FBXO5: variants seen among roughly 807,000 people sequenced by gnomAD.
FBXO5 encodes the protein F-box protein 5, also known as F-box only protein 5.
In FBXO5, 8 loss-of-function variants were observed where a neutral mutation model predicts 43.3. The observed-to-expected ratio is 0.18, with a 90% CI of 0.11 to 0.33. FBXO5 has a LOEUF of 0.33. FBXO5 is among the 10% of genes least tolerant of loss of function. FBXO5 has a pLI of 1.00. For missense variants in FBXO5, 491 were observed against 535.7 expected, an observed-to-expected ratio of 0.92 and a Z score of 0.82; for synonymous variants, 204 against 193.7, an observed-to-expected ratio of 1.05 and a Z score of -0.44.
chr6:152,978,990 TA>T (rs1167871104), intron 1 of FBXO5, among the ~76,000 whole-genome samples: 1 of 147,594 alleles, frequency 6.8e-6, no homozygotes, highest in Non-Finnish European at 1.5e-5. Context: ...AACCCTGTCT[TA>T]AAAAAAAAGA....
rs890887060 is a variant in FBXO5, at chr6:152,973,279, C to G, written c.819-143G>C. On this transcript the variant is annotated intron_variant, in intron 2 of 4. Coordinates refer to ENST00000229758, the MANE Select transcript of FBXO5 (RefSeq NM_012177.5). Reference sequence around the variant, plus strand: ...ACCTGACCACATTACAATTGCCTGGCGGTTTTAACTGGTCTAAAATGAAGC... The same window carrying G: ...ACCTGACCACATTACAATTGCCTGGGGGTTTTAACTGGTCTAAAATGAAGC... The G allele has an allele frequency of 2.4e-5, 15 of 636,886 alleles. No homozygotes were observed. In the South Asian group the frequency reaches 3.1e-4, roughly 13 times the overall value. The allele number at this position is 636,886 out of a possible 1,614,324, so 39.5% of individuals were successfully genotyped here. A position where few individuals can be genotyped will look rare whatever the true frequency, so the allele number is the denominator to read the frequency against.
In FBXO5 at chr6:152,975,250, G is replaced by A; in HGVS notation, c.475C>T (p.His159Tyr). 1 of 1,614,068 alleles carries A rather than the reference G, an allele frequency of 6.2e-7. No individual in the cohort carries two copies. Among genetic ancestry groups the A allele is most frequent in the Non-Finnish European group, 8.5e-7 (1 of 1,180,004 alleles). ...SFSLQSGLSEHEEGSLLEENF... is the reference protein window; with the variant it reads ...SFSLQSGLSEYEEGSLLEENF... ...TCCTCCAGGAGGCTACCTTCTTCAT[G>A]TTCACTGAGGCCACTTTGTAGAGAA... Residue 159 changes from histidine to tyrosine, a missense_variant, in exon 2 of 5, where the codon CAT (histidine) becomes TAT (tyrosine). Physicochemically the swap from His to Tyr is moderately conservative, Grantham distance 83. Coordinates refer to ENST00000229758, the MANE Select transcript of FBXO5 (RefSeq NM_012177.5).
chr6:152,972,828 C>T, intron 3 of FBXO5: 1 of 440,922 alleles, frequency 2.3e-6, no homozygotes, highest in East Asian at 3.3e-5. Flanking sequence ...GTAATTTTCC[C>T]TTTGTTACTT....
At chr6:152,972,479 G>T in intron 3 of FBXO5, 25 bp from the exon 4 acceptor site, 1 of 1,494,170 alleles carries the variant, frequency 6.7e-7, no homozygotes, top group South Asian at 1.3e-5. Context: ...AGTTTTAATA[G>T]AATTTAGAAA....
chr6:152,974,139 G>A (rs1384015823), intron 2 of FBXO5, among the ~76,000 whole-genome samples: 1 of 151,990 alleles, frequency 6.6e-6, no homozygotes, highest in Non-Finnish European at 1.5e-5. Flanking sequence ...CTGGGAGGTG[G>A]AGGTTGCAGT....
intron 3 of FBXO5, 61 bp from the exon 4 acceptor site, chr6:152,972,515 A>G: frequency 2.5e-6 from 3 of 1,176,666 alleles, no homozygotes; most frequent in Non-Finnish European, 1.2e-6. Flanking sequence ...TCAATGAGAC[A>G]TTTTTATGTT....
Position 152,972,585 on chromosome 6 carries a change from A to G in FBXO5, c.910-131T>C, listed in dbSNP as rs988016325. 4 of 652,138 alleles carry G rather than the reference A, an allele frequency of 6.1e-6. No individual in the cohort carries two copies. In the African/African-American group the frequency reaches 7.3e-5, roughly 12 times the overall value. The allele number at this position is 652,138 out of a possible 1,614,324, so 40.4% of individuals were successfully genotyped here. On this transcript the variant is annotated intron_variant, in intron 3 of 4. Transcript: ENST00000229758. ...AGAGACTTATCCCTACATGCAATTT[A>G]CCTGCACGTACTTAAACAAAGCAAA...
At chr6:152,978,356 A>C (rs4870157) in intron 1 of FBXO5, among the ~76,000 whole-genome samples, 68,316 of 93,430 alleles carry the variant, frequency 0.73, 25,505 homozygotes, top group African/African-American at 0.94. Context: ...TAATCCATTA[A>C]TCATGGAGAG....
chr6:152,982,717 G>A, intron 1 of FBXO5, 140 bp downstream of exon 1: 1 of 538,408 alleles, frequency 1.9e-6, no homozygotes, highest in Non-Finnish European at 3.0e-6. Flanking sequence ...AGGAACCGCT[G>A]CCGCCGCCCG....
chr6:152,970,989 TAA>T lies in FBXO5; in HGVS notation c.*172_*173del. Reference sequence around the variant, plus strand: ...TTTTAAACTTTTTCTCATTAAATTGTAAAAATATTTTAAGAGGTTGTCTATCC... The same window carrying T: ...TTTTAAACTTTTTCTCATTAAATTGTAAATATTTTAAGAGGTTGTCTATCC... On this transcript the variant is annotated 3_prime_UTR_variant, in exon 5 of 5. Transcript: ENST00000229758. 1 of 482,908 alleles carries T rather than the reference TAA, an allele frequency of 2.1e-6. No individual in the cohort carries two copies. The highest frequency in any genetic ancestry group is 3.3e-5 in the East Asian group (1 of 29,932). 29.9% of individuals were successfully genotyped at this position (482,908 alleles called of 1,614,324 possible). A position where few individuals can be genotyped will look rare whatever the true frequency, so the allele number is the denominator to read the frequency against.
intron 2 of FBXO5, among the ~76,000 whole-genome samples, chr6:152,974,280 C>T (rs144072929): frequency 6.2e-4 from 94 of 151,962 alleles, no homozygotes; most frequent in African/African-American, 2.2e-3. Context: ...TAGGAGAGCC[C>T]TAGCACCAAA....
chr6:152,981,326 CAAATATCAT>C (rs1177452392), intron 1 of FBXO5, among the ~76,000 whole-genome samples: 1 of 152,176 alleles, frequency 6.6e-6, no homozygotes, highest in Non-Finnish European at 1.5e-5. Context: ...TCCTCCATAT[CAAATATCAT>C]AAATAAGGCT....
At chr6:152,977,332 C>T (rs1778184481) in intron 1 of FBXO5, among the ~76,000 whole-genome samples, 1 of 152,160 alleles carries the variant, frequency 6.6e-6, no homozygotes, top group African/African-American at 2.4e-5. Context: ...GTTTAGTCTG[C>T]ACTAAATATT....
At chr6:152,976,580 A>C (rs1194933094) in intron 1 of FBXO5, among the ~76,000 whole-genome samples, 1 of 152,242 alleles carries the variant, frequency 6.6e-6, no homozygotes, top group Non-Finnish European at 1.5e-5. Flanking sequence ...GGTAAATAAG[A>C]ATGACACTCT....
At chr6:152,975,790 CAAT>C (rs1185172727) in intron 1 of FBXO5, among the ~76,000 whole-genome samples, 169 bp from the exon 2 acceptor site, 8 of 152,128 alleles carry the variant, frequency 5.3e-5, no homozygotes, top group Non-Finnish European at 7.4e-5. Flanking sequence ...ATTGATATGA[CAAT>C]AATATGTGAA....
rs371649388 is a variant in FBXO5, at chr6:152,978,371, A to ATTT, written c.104-2753_104-2751dup. Among the ~76,000 whole-genome samples the ATTT allele has an allele frequency of 5.1e-4, 6 of 11,844 alleles. 2 individuals carry two copies. Among genetic ancestry groups the ATTT allele is most frequent in the East Asian group, 8.5e-3 (2 of 234 alleles). The allele number at this position is 11,844 out of a possible 152,430, so 7.8% of individuals were successfully genotyped here. ...TAATCCATTAATCATGGAGAGCTTC[A>ATTT]TTTTTTGGGGGGGGGGGGGGGGCGG... On this transcript the variant is annotated intron_variant, in intron 1 of 4. Transcript: ENST00000229758.
At chr6:152,983,365 T>G (rs1241973534), upstream of FBXO5, 1 of 174,328 alleles carries the variant, frequency 5.7e-6, no homozygotes. Context: ...TCCGCCGTCT[T>G]CTGGACCGGC....
chr6:152,971,764 T>C (rs1210208697), intron 4 of FBXO5, among the ~76,000 whole-genome samples: 2 of 152,190 alleles, frequency 1.3e-5, no homozygotes, highest in Admixed American at 6.5e-5. Context: ...TACATTTGAG[T>C]AGAAATTTTA....
In FBXO5 at chr6:152,982,961, C is replaced by T. The variant is rs371875972; in HGVS notation, c.-2G>A. On this transcript the variant is annotated 5_prime_UTR_variant, in exon 1 of 5. Coordinates refer to ENST00000229758, the MANE Select transcript of FBXO5 (RefSeq NM_012177.5). ...GCAGCTGCAGGGGCGCCGGCTCATGCCAGCCGACGTGGAGTCTGCCTCAGG... is the reference window on the plus strand; with the variant it reads ...GCAGCTGCAGGGGCGCCGGCTCATGTCAGCCGACGTGGAGTCTGCCTCAGG... 18 of 1,403,312 alleles carry T rather than the reference C, an allele frequency of 1.3e-5. No individual in the cohort carries two copies. The African/African-American group carries it at 2.0e-4, about 15-fold the overall frequency. 86.9% of individuals were successfully genotyped at this position (1,403,312 alleles called of 1,614,324 possible).
Sources: allele counts gnomAD v4.1 joint callset (sites outside exome capture counted in the v4.1 genomes callset), GRCh38; gene constraint gnomAD v4.1.1; transcripts MANE v1.5; gene names NCBI Gene and HGNC (gene_info 2026-07-23, HGNC 2026-07-21).